Variants in RANBP1 observed in about 807,000 individuals in gnomAD.
The protein encoded by RANBP1 is RAN binding protein 1, also known as ran-specific GTPase-activating protein.
In RANBP1, 16 loss-of-function variants were observed where a neutral mutation model predicts 31.4. The ratio of observed to expected loss-of-function variants is 0.51; its 90% confidence interval spans 0.34 to 0.77. The LOEUF is 0.77. Ranked by LOEUF, RANBP1 falls within the 30% of genes least tolerant of loss-of-function variation. The pLI is 0.01. For synonymous variants in RANBP1, 129 were observed against 140.5 expected (o/e 0.92, Z 0.58); for missense variants, 265 against 362.0 (o/e 0.73, Z 2.17).
At position 20,126,742 on chromosome 22, in the gene RANBP1, G is replaced by C. The variant is rs891138660; in HGVS notation, c.737-210G>C. ...CACTGAGCAGCCTGACCATGGTCTA[G>C]GCAGTGCTTGAGTGCATCCACCTGG... On this transcript the variant is annotated intron_variant, in intron 5 of 5. Transcript: ENST00000430524. 15 of 1,428,620 alleles carry C rather than the reference G, an allele frequency of 1.0e-5. No homozygotes were observed. The Admixed American group carries it at 2.9e-4, about 27-fold the overall frequency. The allele number at this position is 1,428,620 out of a possible 1,614,324, so 88.5% of individuals were successfully genotyped here.
chr22:20,117,101 G>A (rs767139548), intron 1 of RANBP1: 1 of 711,042 alleles, frequency 1.4e-6, no homozygotes, highest in Non-Finnish European at 2.3e-6. Context: ...TCGAACCTGC[G>A]ATGCTCAGGT....
rs762346864 is a variant in RANBP1 at position 20,125,525 on chromosome 22, T to C, written c.670+89T>C. On this transcript the variant is annotated intron_variant, in intron 4 of 5. Coordinates refer to ENST00000430524, the MANE Select transcript of RANBP1 (RefSeq NM_001278639.2). Reference sequence around the variant, plus strand: ...TATGTGCAACAAATGCTGTTGCCTTTTGGGGAGAGGGGGCAGTAACTGGGA... The same window carrying C: ...TATGTGCAACAAATGCTGTTGCCTTCTGGGGAGAGGGGGCAGTAACTGGGA... 1.3e-5 allele frequency: 20 copies of C among 1,545,704 alleles called. No individual in the cohort carries two copies. In the South Asian group the frequency reaches 2.1e-4, roughly 17 times the overall value.
chr22:20,118,129 C>G (rs918422822), intron 1 of RANBP1: 1 of 1,000,914 alleles, frequency 1.0e-6, no homozygotes, highest in Non-Finnish European at 1.2e-6. Flanking sequence ...GCGTGGGGCA[C>G]AGGTCCTAGA....
rs372204069 is a variant in RANBP1 at position 20,125,439 on chromosome 22, G to A, written c.670+3G>A. 34 of 1,601,442 alleles carry A rather than the reference G, an allele frequency of 2.1e-5. No homozygotes were observed. In the African/African-American group the frequency reaches 3.2e-4, roughly 15 times the overall value. On this transcript the variant is annotated splice_donor_region_variant and intron_variant, in intron 4 of 5. Coordinates refer to ENST00000430524, the MANE Select transcript of RANBP1 (RefSeq NM_001278639.2). ...CATCCGCTTCCTGAATGCTGAGAGTGAGCCAAGGGCCCTGGGGACCTGCCT... is the reference window on the plus strand; with the variant it reads ...CATCCGCTTCCTGAATGCTGAGAGTAAGCCAAGGGCCCTGGGGACCTGCCT...
chr22:20,117,949 C>CCCA, intron 1 of RANBP1: 1 of 1,007,934 alleles, frequency 9.9e-7, no homozygotes, highest in African/African-American at 1.7e-5. Flanking sequence ...GCGGGACGGC[C>CCCA]CCAGCCTCCA....
rs530051409 is a variant in RANBP1 at position 20,126,825 on chromosome 22, A to C, written c.737-127A>C. The C allele has an allele frequency of 3.6e-6, 5 of 1,380,756 alleles. No individual in the cohort carries two copies. In the South Asian group the frequency reaches 6.4e-5, roughly 18 times the overall value. 85.5% of individuals were successfully genotyped at this position (1,380,756 alleles called of 1,614,324 possible). ...ACTCCAGGAGGCGGCTTGGCCAGGC[A>C]GGAGTCTGTCCCGAGGGCGGGCAAG... On this transcript the variant is annotated intron_variant, in intron 5 of 5. Coordinates refer to ENST00000430524, the MANE Select transcript of RANBP1 (RefSeq NM_001278639.2).
At chr22:20,117,219 G>C in intron 1 of RANBP1, 1 of 544,274 alleles carries the variant, frequency 1.8e-6, no homozygotes, top group Non-Finnish European at 3.0e-6. Context: ...GAGGCCGAGC[G>C]TCTCTATGAT....
At position 20,116,375 on chromosome 22, in the gene RANBP1, C is replaced by T. The variant is rs371517046; in HGVS notation, c.191C>T (p.Ser64Leu). 3 of 1,612,212 alleles carry T rather than the reference C, an allele frequency of 1.9e-6. No homozygotes were observed. Among genetic ancestry groups the T allele is most frequent in the Non-Finnish European group, 2.5e-6 (3 of 1,179,302 alleles). The change falls in exon 1 of 6, where the codon TCG becomes TTG. Residue 64 changes from serine (S) to leucine (L), a missense_variant. Physicochemically the swap from Ser to Leu is moderately radical, Grantham distance 145. This residue lies in a region of RANBP1 where 126 missense variants were observed against 123.6 expected (regional missense o/e 1.02). Coordinates refer to ENST00000430524, the MANE Select transcript of RANBP1 (RefSeq NM_001278639.2). ...RPKRPRKRRT[S>L]LKLAWRGTFC... ...AAGCGGCCCAGGAAGCGCCGGACGT[C>T]GCTGAAGCTGGCGTGGCGAGGCACG...
intron 1 of RANBP1, 59 bp downstream of exon 1, chr22:20,116,489 C>T (rs2050024530): frequency 6.2e-7 from 1 of 1,612,722 alleles, no homozygotes; most frequent in South Asian, 1.1e-5. Context: ...GGCCCTGTAG[C>T]CGCCCCAGCG....
At chr22:20,126,040 A>G (rs1347644442) in intron 4 of RANBP1, among the ~76,000 whole-genome samples, 4 of 152,242 alleles carry the variant, frequency 2.6e-5, no homozygotes, top group African/African-American at 9.6e-5. Flanking sequence ...AGCCTTTCCA[A>G]CACGGTTGGG....
At chr22:20,123,052 TG>T (rs2050214828) in intron 3 of RANBP1, among the ~76,000 whole-genome samples, 1 of 36,774 alleles carries the variant, frequency 2.7e-5, no homozygotes, top group African/African-American at 1.2e-4. Flanking sequence ...GGTGTGTGGT[TG>T]GGGGTCTGGT....
At chr22:20,117,530 AGCGG>A in intron 1 of RANBP1, 19 of 1,099,398 alleles carry the variant, frequency 1.7e-5, no homozygotes, top group East Asian at 7.2e-5. Context: ...CGGAGGGAAG[AGCGG>A]GCGGGCGGGA....
chr22:20,126,567 C>G (rs769112071), intron 5 of RANBP1, 199 bp downstream of exon 5: 4 of 1,553,858 alleles, frequency 2.6e-6, no homozygotes, highest in Non-Finnish European at 3.5e-6. Flanking sequence ...TGTTGCTGGC[C>G]TCAGTCCAAT....
intron 1 of RANBP1, chr22:20,118,243 TTA>T (rs1439150487): frequency 1.9e-5 from 19 of 1,002,386 alleles, no homozygotes; most frequent in Non-Finnish European, 2.3e-5. Flanking sequence ...AGCGAAAAGC[TTA>T]TGTTTTCTTT....
At chr22:20,117,020 G>C in intron 1 of RANBP1, 1 of 1,381,658 alleles carries the variant, frequency 7.2e-7, no homozygotes, top group Non-Finnish European at 1.0e-6. Context: ...TCAGAGGGGA[G>C]GTGCTCACAG....
chr22:20,126,702 CA>C (rs1200610161), intron 5 of RANBP1: 2 of 1,493,758 alleles, frequency 1.3e-6, no homozygotes, highest in African/African-American at 2.8e-5. Context: ...GCTGTGGTGG[CA>C]AGTGACCAGA....
chr22:20,125,229 A>G, intron 3 of RANBP1, 79 bp from the exon 4 acceptor site: 1 of 1,548,770 alleles, frequency 6.5e-7, no homozygotes, highest in Non-Finnish European at 8.9e-7. Context: ...GTTGGTGAGC[A>G]GGGTGCTCTG....
intron 1 of RANBP1, chr22:20,117,325 G>A: frequency 9.1e-7 from 1 of 1,094,742 alleles, no homozygotes; most frequent in Non-Finnish European, 1.2e-6. Context: ...GGAAGTGCGC[G>A]CGGGTGTCGC....
At chr22:20,117,662 A>C in intron 1 of RANBP1, 1 of 1,049,768 alleles carries the variant, frequency 9.5e-7, no homozygotes, top group South Asian at 3.3e-5. Context: ...GGCGGCCGCC[A>C]AGGTGCCGCC....
Sources: gnomAD v4.1 joint callset for allele counts (sites outside exome capture counted in the v4.1 genomes callset) on GRCh38, gnomAD v4.1.1 for gene constraint, gnomAD v4.1.1 regional missense constraint, MANE v1.5 for transcripts, NCBI Gene and HGNC (gene_info 2026-07-23, HGNC 2026-07-21) for gene names.